Variants in RPF2 observed in about 807,000 individuals in gnomAD.
The protein encoded by RPF2 is ribosome production factor 2 homolog, also known as brix domain containing 1.
RPF2 carries 21 observed loss-of-function variants against 38.9 expected under a neutral mutation model. That is an observed-to-expected ratio of 0.54 (90% CI 0.38 to 0.78). The LOEUF (loss-of-function observed/expected upper bound fraction) is 0.78. Ranked by LOEUF, RPF2 falls within the 30% of genes least tolerant of loss-of-function variation. RPF2 has a pLI of 0.00. For missense variants in RPF2, 314 were observed against 358.1 expected (o/e 0.88, Z 0.99); for synonymous variants, 121 against 126.2 (o/e 0.96, Z 0.28).
chr6:111,003,326 C>T (rs1480837040), intron 6 of RPF2, among the ~76,000 whole-genome samples: 4 of 151,858 alleles, frequency 2.6e-5, no homozygotes, highest in Middle Eastern at 3.4e-3. Flanking sequence ...AGTCTTGCTC[C>T]GTCACCCAGG....
intron 8 of RPF2, among the ~76,000 whole-genome samples, chr6:111,019,460 C>T (rs1487534521): frequency 6.6e-6 from 1 of 151,884 alleles, no homozygotes; most frequent in Non-Finnish European, 1.5e-5. Flanking sequence ...CAAAATTAAA[C>T]TTATGTTGGC....
chr6:111,016,683 C>CCTT lies in RPF2; in HGVS notation c.596+827_596+828insCTT, dbSNP rs1772118146. ...GTAATTGTGGTTCTTTTTTTTTTTT[C>CCTT]TTTCTTTTTTTTTTTTTTAATTGAT... is the stretch of plus-strand genomic sequence containing the variant. On this transcript the variant is annotated intron_variant, in intron 8 of 9. Transcript: ENST00000441448. Among the ~76,000 whole-genome samples, 3 of 105,934 alleles carry CCTT rather than the reference C, an allele frequency of 2.8e-5. No individual in the cohort carries two copies. The East Asian group carries it at 1.3e-3, about 45-fold the overall frequency. The allele number at this position is 105,934 out of a possible 152,430, so 69.5% of individuals were successfully genotyped here. A position where few individuals can be genotyped will look rare whatever the true frequency, so the allele number is the denominator to read the frequency against.
At chr6:111,016,683 CTTTCT>C (rs1772118501) in intron 8 of RPF2, among the ~76,000 whole-genome samples, 2 of 105,942 alleles carry the variant, frequency 1.9e-5, no homozygotes, top group Non-Finnish European at 3.7e-5. Context: ...TTTTTTTTTT[CTTTCT>C]TTTTTTTTTT....
In RPF2 at chr6:110,991,414, T is replaced by A. The variant is rs563888087; in HGVS notation, c.195-333T>A. Among the ~76,000 whole-genome samples the A allele has an allele frequency of 2.3e-3, 354 of 151,020 alleles. 3 individuals carry two copies. The highest frequency in any genetic ancestry group is 7.1e-3 in the African/African-American group (294 of 41,216). On this transcript the variant is annotated intron_variant, in intron 3 of 9. Coordinates refer to ENST00000441448, the MANE Select transcript of RPF2 (RefSeq NM_032194.3). ...CGCCCCCTGCTTTTTTTTTTTTTTT[T>A]AACACACTTTCTTTGTCTATTGAAT...
intron 4 of RPF2, among the ~76,000 whole-genome samples, chr6:110,994,589 A>G (rs1039288917): frequency 3.9e-5 from 6 of 151,916 alleles, no homozygotes; most frequent in African/African-American, 1.5e-4. Context: ...TTGTCTCACA[A>G]AAAAAAGAAG....
intron 2 of RPF2, among the ~76,000 whole-genome samples, chr6:110,988,616 T>C (rs1383357584): frequency 1.3e-5 from 2 of 152,176 alleles, no homozygotes; most frequent in South Asian, 2.1e-4. Flanking sequence ...TTGCAGTTTT[T>C]TGTAGAGACA....
At chr6:110,994,593 AAAG>A (rs990303777) in intron 4 of RPF2, among the ~76,000 whole-genome samples, 11 of 152,122 alleles carry the variant, frequency 7.2e-5, no homozygotes, top group African/African-American at 2.7e-4. Context: ...CTCACAAAAA[AAAG>A]AAGAGTTGGC....
At chr6:110,995,035 G>T (rs1186890581) in intron 4 of RPF2, among the ~76,000 whole-genome samples, 1 of 151,904 alleles carries the variant, frequency 6.6e-6, no homozygotes, top group African/African-American at 2.4e-5. Flanking sequence ...CTCCTGAGTA[G>T]CTGGGACCAC....
At chr6:110,993,613 G>A (rs943474285) in intron 4 of RPF2, among the ~76,000 whole-genome samples, 1 of 152,162 alleles carries the variant, frequency 6.6e-6, no homozygotes, top group African/African-American at 2.4e-5. Context: ...CTTTGTGGCA[G>A]TGTTACATAG....
chr6:110,985,651 T>C lies in RPF2; in HGVS notation c.156+513T>C, dbSNP rs537087489. On this transcript the variant is annotated intron_variant, in intron 2 of 9. Transcript: ENST00000441448. ...AGGGTGGGAAACAGTTAAAATCACA[T>C]AGGGGAGGCCAGGCACGGTGGTTCA... Among the ~76,000 whole-genome samples the C allele has an allele frequency of 9.2e-5, 14 of 151,888 alleles. No homozygotes were observed. The South Asian group carries it at 2.7e-3, about 29-fold the overall frequency.
intron 7 of RPF2, among the ~76,000 whole-genome samples, chr6:111,015,467 A>T (rs891990643): frequency 1.3e-5 from 2 of 152,180 alleles, no homozygotes; most frequent in African/African-American, 4.8e-5. Context: ...TACATTTTTT[A>T]AAAGTTAGTA....
At chr6:111,001,631 C>T (rs547365461) in intron 6 of RPF2, among the ~76,000 whole-genome samples, 1 of 152,252 alleles carries the variant, frequency 6.6e-6, no homozygotes, top group South Asian at 2.1e-4. Context: ...CCTCAGCCTC[C>T]CAAAGTGCTG....
At chr6:111,007,709 C>T (rs947527453) in intron 6 of RPF2, among the ~76,000 whole-genome samples, 2 of 152,092 alleles carry the variant, frequency 1.3e-5, no homozygotes, top group East Asian at 3.9e-4. Context: ...CTTTGGGAGG[C>T]TGAGGCAGGC....
intron 7 of RPF2, among the ~76,000 whole-genome samples, chr6:111,009,734 C>T (rs1311218543): frequency 6.6e-6 from 1 of 151,022 alleles, no homozygotes; most frequent in African/African-American, 2.4e-5. Context: ...AGTGCAGTAG[C>T]TCAATCATGG....
intron 7 of RPF2, among the ~76,000 whole-genome samples, chr6:111,012,070 CT>C (rs35304628): frequency 0.029 from 3,824 of 133,330 alleles, 101 homozygotes; most frequent in African/African-American, 0.082. Flanking sequence ...TAGGAAGTTC[CT>C]TTTTTTTTTT....
At chr6:110,994,727 G>GTGTATATA (rs1554247818) in intron 4 of RPF2, among the ~76,000 whole-genome samples, 1 of 107,366 alleles carries the variant, frequency 9.3e-6, no homozygotes, top group East Asian at 2.8e-4. Context: ...AATGGGATGA[G>GTGTATATA]TATATATACA....
At position 111,025,647 on chromosome 6, in the gene RPF2, C is replaced by A; in HGVS notation, c.*65C>A. On this transcript the variant is annotated 3_prime_UTR_variant, in exon 10 of 10. Coordinates refer to ENST00000441448, the MANE Select transcript of RPF2 (RefSeq NM_032194.3). The stretch of plus-strand genomic sequence containing the variant: ...TTAAGAGAATTATCAAGCGTCAATC[C>A]ATTCAGAGTTTCTTATAAGATCTTA... 8.5e-7 allele frequency: 1 copy of A among 1,172,276 alleles called. No homozygotes were observed. The highest frequency in any genetic ancestry group is 1.2e-6 in the Non-Finnish European group (1 of 832,498). 72.6% of individuals were successfully genotyped at this position (1,172,276 alleles called of 1,614,324 possible). A position where few individuals can be genotyped will look rare whatever the true frequency, so the allele number is the denominator to read the frequency against.
chr6:110,998,258 A>G (rs773112102), intron 5 of RPF2, among the ~76,000 whole-genome samples: 1 of 152,062 alleles, frequency 6.6e-6, no homozygotes, highest in Admixed American at 6.6e-5. Context: ...GTGGCCTGCC[A>G]GCACTGGGAG....
chr6:110,984,611 G>A (rs752757098), intron 1 of RPF2, among the ~76,000 whole-genome samples: 1 of 152,116 alleles, frequency 6.6e-6, no homozygotes, highest in African/African-American at 2.4e-5. Context: ...GAGCCGAGGT[G>A]AGCGGATCAC....
Sources: allele counts gnomAD v4.1 joint callset (sites outside exome capture counted in the v4.1 genomes callset), GRCh38; gene constraint gnomAD v4.1.1; transcripts MANE v1.5; gene names NCBI Gene and HGNC (gene_info 2026-07-23, HGNC 2026-07-21).